SNX29: variants seen among roughly 807,000 people sequenced by gnomAD.
SNX29 encodes sorting nexin 29.
Under a neutral mutation model 102.1 loss-of-function variants are expected in SNX29, and 78 were observed. The observed-to-expected ratio is 0.76, with a 90% CI of 0.64 to 0.92. The LOEUF is 0.92. Among genes scored for constraint, SNX29 ranks in the 40% least tolerant of loss-of-function variants. The pLI, the probability that SNX29 is intolerant of heterozygous loss-of-function variation, is 0.00. For synonymous variants in SNX29, 580 were observed against 414.5 expected (o/e 1.40, Z -4.85); for missense variants, 1,280 against 1,061.7 (o/e 1.21, Z -2.86).
intron 20 of SNX29, among the ~76,000 whole-genome samples, chr16:12,559,712 T>G (rs1239598500): frequency 6.6e-6 from 1 of 152,104 alleles, no homozygotes; most frequent in East Asian, 1.9e-4. Flanking sequence ...TCTCCCATGG[T>G]GAGAACACCA....
At chr16:12,538,746 T>C (rs1459360322) in intron 20 of SNX29, among the ~76,000 whole-genome samples, 2 of 151,960 alleles carry the variant, frequency 1.3e-5, no homozygotes, top group African/African-American at 4.8e-5. Context: ...AGCACACCCA[T>C]ATGGGTATCA....
In SNX29 at chr16:12,571,167, GCT is replaced by G. The variant is rs1333941988; in HGVS notation, c.*2543_*2544del. 5 of 232,452 alleles carry G rather than the reference GCT, an allele frequency of 2.2e-5. No individual in the cohort carries two copies. The highest frequency in any genetic ancestry group is 4.4e-5 in the African/African-American group (2 of 45,276). The allele number at this position is 232,452 out of a possible 1,614,324, so 14.4% of individuals were successfully genotyped here. A position where few individuals can be genotyped will look rare whatever the true frequency, so the allele number is the denominator to read the frequency against. On this transcript the variant is annotated 3_prime_UTR_variant, in exon 21 of 21. Coordinates refer to ENST00000566228, the MANE Select transcript of SNX29 (RefSeq NM_032167.5). ...TTGCTGCTCAGAAGAATCCCGTCCT[GCT>G]CTCTAGTGTGGTGGGATGAACTTCA...
At position 12,523,635 on chromosome 16, in the gene SNX29, C is replaced by A. The variant is rs1451758216; in HGVS notation, c.2179-1067C>A. Among the ~76,000 whole-genome samples, 3 of 152,198 alleles carry A rather than the reference C, an allele frequency of 2.0e-5. No individual in the cohort carries two copies. In the East Asian group the frequency reaches 5.8e-4, roughly 29 times the overall value. On this transcript the variant is annotated intron_variant, in intron 19 of 20. Coordinates refer to ENST00000566228, the MANE Select transcript of SNX29 (RefSeq NM_032167.5). ...TGGGCAGTAGCTCACCACGCAGTCC[C>A]AGTGTGGACCCTCTGTGACAGCTTG...
At chr16:12,525,081 A>G (rs147588531) in intron 20 of SNX29, among the ~76,000 whole-genome samples, 136 of 152,192 alleles carry the variant, frequency 8.9e-4, no homozygotes, top group Non-Finnish European at 1.5e-3. Context: ...GAGGCTCACA[A>G]AGAAACTTGG....
chr16:12,410,818 A>G (rs1434375165), intron 18 of SNX29, among the ~76,000 whole-genome samples: 1 of 152,242 alleles, frequency 6.6e-6, no homozygotes, highest in Non-Finnish European at 1.5e-5. Flanking sequence ...TATTAATAAT[A>G]GATCACGGCA....
rs764845601 is a variant in SNX29, at chr16:12,355,647, G to A, written c.1783-516G>A. Among the ~76,000 whole-genome samples, 6 of 152,142 alleles carry A rather than the reference G, an allele frequency of 3.9e-5. No individual in the cohort carries two copies. The East Asian group carries it at 5.8e-4, about 15-fold the overall frequency. On this transcript the variant is annotated intron_variant, in intron 15 of 20. Coordinates refer to ENST00000566228, the MANE Select transcript of SNX29 (RefSeq NM_032167.5). ...TCTGTACATTGACTATAGACCATCTGTAGTCACCTCCAGTTTTATTTATTG... is the reference window on the plus strand; with the variant it reads ...TCTGTACATTGACTATAGACCATCTATAGTCACCTCCAGTTTTATTTATTG...
intron 13 of SNX29, among the ~76,000 whole-genome samples, chr16:12,181,859 T>G (rs1176864677): frequency 1.3e-5 from 2 of 151,932 alleles, no homozygotes; most frequent in East Asian, 3.9e-4. Flanking sequence ...AGCGTTGTTG[T>G]AAATGCTGTC....
intron 19 of SNX29, among the ~76,000 whole-genome samples, chr16:12,490,722 C>G (rs575034207): frequency 6.6e-6 from 1 of 152,280 alleles, no homozygotes; most frequent in East Asian, 1.9e-4. Flanking sequence ...CCCACCACAC[C>G]AAATTAACAG....
At chr16:12,397,932 A>AT (rs2151491158) in intron 16 of SNX29, among the ~76,000 whole-genome samples, 1 of 152,242 alleles carries the variant, frequency 6.6e-6, no homozygotes, top group South Asian at 2.1e-4. Context: ...CCTAGTCATC[A>AT]TCTCATGTGG....
At chr16:12,306,647 G>A (rs895317572) in intron 15 of SNX29, among the ~76,000 whole-genome samples, 6 of 152,180 alleles carry the variant, frequency 3.9e-5, no homozygotes, top group African/African-American at 1.2e-4. Flanking sequence ...GTTTAATGAT[G>A]ATTACACTGA....
At chr16:12,206,921 A>G (rs1196258614) in intron 14 of SNX29, among the ~76,000 whole-genome samples, 1 of 151,518 alleles carries the variant, frequency 6.6e-6, no homozygotes, top group East Asian at 1.9e-4. Flanking sequence ...CAATTAATGA[A>G]GTTCAGGGTC....
At chr16:12,558,807 G>T (rs2078537261) in intron 20 of SNX29, among the ~76,000 whole-genome samples, 1 of 152,194 alleles carries the variant, frequency 6.6e-6, no homozygotes, top group South Asian at 2.1e-4. Flanking sequence ...TGCCTGATAA[G>T]GGCTCCCTAG....
rs2085077109 is a variant in SNX29, at chr16:12,426,303, C to G, written c.2037+22774C>G. The stretch of plus-strand genomic sequence containing the variant: ...TATGCCAGGATCCAGGAAGAAGCAA[C>G]AGCCTTTAGCCGGGGCTTGCAGCTC... On this transcript the variant is annotated intron_variant, in intron 18 of 20. Coordinates refer to ENST00000566228, the MANE Select transcript of SNX29 (RefSeq NM_032167.5). Among the ~76,000 whole-genome samples, 4 of 152,296 alleles carry G rather than the reference C, an allele frequency of 2.6e-5. No individual in the cohort carries two copies. The South Asian group carries it at 8.3e-4, about 32-fold the overall frequency.
chr16:12,535,753 CACT>C (rs2061193316), intron 20 of SNX29, among the ~76,000 whole-genome samples: 1 of 151,882 alleles, frequency 6.6e-6, no homozygotes, highest in South Asian at 2.1e-4. Context: ...CGTCTTCCAC[CACT>C]GTGTGTCTCC....
chr16:12,407,051 G>A (rs1356796836), intron 18 of SNX29, among the ~76,000 whole-genome samples: 2 of 152,222 alleles, frequency 1.3e-5, no homozygotes. Flanking sequence ...TCTGCAGGGC[G>A]GCTGCCTTGG....
At chr16:12,462,828 G>A (rs2086866854) in intron 18 of SNX29, among the ~76,000 whole-genome samples, 1 of 152,210 alleles carries the variant, frequency 6.6e-6, no homozygotes, top group Non-Finnish European at 1.5e-5. Context: ...AAATGGAGCA[G>A]CCTGTTTAGC....
intron 11 of SNX29, among the ~76,000 whole-genome samples, chr16:12,123,360 C>T (rs185244367): frequency 3.9e-5 from 6 of 152,164 alleles, no homozygotes; most frequent in East Asian, 1.9e-4. Context: ...CCAGAGTCCC[C>T]GTTGCTGTCA....
At chr16:12,565,384 G>A (rs558095112) in intron 20 of SNX29, among the ~76,000 whole-genome samples, 61 of 152,206 alleles carry the variant, frequency 4.0e-4, no homozygotes, top group South Asian at 1.9e-3. Flanking sequence ...CCAGATTTCC[G>A]CAGGTGTCAT....
intron 19 of SNX29, among the ~76,000 whole-genome samples, chr16:12,490,958 T>C (rs2088515749): frequency 6.6e-6 from 1 of 152,260 alleles, no homozygotes; most frequent in African/African-American, 2.4e-5. Context: ...TGTGTCCTTA[T>C]ATTACATATG....
Sources: gnomAD v4.1 joint callset for allele counts (sites outside exome capture counted in the v4.1 genomes callset) on GRCh38, gnomAD v4.1.1 for gene constraint, MANE v1.5 for transcripts, NCBI Gene and HGNC (gene_info 2026-07-23, HGNC 2026-07-21) for gene names.